The following AGBL1 variants were observed in gnomAD, a reference collection of about 807,000 sequenced individuals.
AGBL1 encodes the protein AGBL carboxypeptidase 1.
A neutral mutation model predicts 118.9 loss-of-function variants in AGBL1; 130 were observed. That is an observed-to-expected ratio of 1.09 (90% confidence interval 0.95 to 1.26). The LOEUF (loss-of-function observed/expected upper bound fraction) is 1.26, where lower values mean the gene tolerates loss of function less well. AGBL1 is among the 50% of genes most tolerant of loss of function. The probability of loss-of-function intolerance (pLI) is 0.00; values close to 1 mark genes in which losing one functional copy is unlikely to be tolerated. For synonymous variants in AGBL1, 555 were observed against 478.9 expected (o/e 1.16, Z -2.08); for missense variants, 1,584 against 1,298.1 (o/e 1.22, Z -3.38).
At chr15:86,196,868 T>TGCGCGCGC (rs149539990) in intron 5 of AGBL1, among the ~76,000 whole-genome samples, 2,418 of 95,560 alleles carry the variant, frequency 0.025, 113 homozygotes, top group African/African-American at 0.075. Flanking sequence ...TGTGCACATG[T>TGCGCGCGC]GCGCGCGCGC....
chr15:86,620,651 C>T (rs2084790158), intron 21 of AGBL1, among the ~76,000 whole-genome samples: 1 of 152,152 alleles, frequency 6.6e-6, no homozygotes, highest in Non-Finnish European at 1.5e-5. Context: ...ACCCTTTTAT[C>T]AATTTCCTAC....
In AGBL1 at chr15:86,890,839, T is replaced by C. The variant is rs984815452; in HGVS notation, c.3159-16248T>C. On this transcript the variant is annotated intron_variant, in intron 22 of 22. Coordinates refer to ENST00000614907, the MANE Select transcript of AGBL1 (RefSeq NM_001386094.1). ...AGGTAGCATAATGCCTCCACCTTTG[T>C]TCTTTTTGCTTAGGATTATCTTTGC... 2.0e-5 allele frequency among the ~76,000 whole-genome samples: 3 copies of C among 152,298 alleles called. No homozygotes were observed. The East Asian group carries it at 5.8e-4, about 29-fold the overall frequency.
rs1019168109 is a variant in AGBL1, at chr15:86,279,662, C to T, written c.2099C>T (p.Ala700Val). Reference sequence around the variant, plus strand: ...AGAAATCATTATCGCCAGAGTACAGCTGTTGCAGGCGGAGCATCTGGGAAG... The same window carrying T: ...AGAAATCATTATCGCCAGAGTACAGTTGTTGCAGGCGGAGCATCTGGGAAG... Reference protein sequence around the residue: ...YYKNHYRQSTAVAGGASGKCY... With the variant: ...YYKNHYRQSTVVAGGASGKCY... Residue 700 changes from alanine to valine, a missense_variant, in exon 16 of 23, where the codon GCT (alanine) becomes GTT (valine). Transcript: ENST00000614907. 1.2e-6 allele frequency: 2 copies of T among 1,613,384 alleles called. No homozygotes were observed. The highest frequency in any genetic ancestry group is 1.7e-6 in the Non-Finnish European group (2 of 1,179,522).
intron 17 of AGBL1, among the ~76,000 whole-genome samples, chr15:86,334,323 T>C (rs1201420935): frequency 1.3e-5 from 2 of 152,162 alleles, no homozygotes; most frequent in Non-Finnish European, 1.5e-5. Context: ...CAGTAAAGTT[T>C]CAGGATACAA....
chr15:86,177,158 TA>T (rs1319658663), intron 5 of AGBL1, among the ~76,000 whole-genome samples: 3 of 152,222 alleles, frequency 2.0e-5, no homozygotes, highest in African/African-American at 7.2e-5. Context: ...CTTTTTCTAA[TA>T]TCAAATAAAG....
At chr15:86,354,635 G>C (rs1387530073) in intron 17 of AGBL1, among the ~76,000 whole-genome samples, 1 of 152,228 alleles carries the variant, frequency 6.6e-6, no homozygotes, top group Non-Finnish European at 1.5e-5. Flanking sequence ...TTGAAGTTTA[G>C]TATATCAAGG....
chr15:86,119,629 G>C (rs1204527742), intron 1 of AGBL1, among the ~76,000 whole-genome samples: 1 of 151,598 alleles, frequency 6.6e-6, no homozygotes, highest in Non-Finnish European at 1.5e-5. Context: ...GTATAAAAAT[G>C]GAAGAGCATA....
At chr15:86,272,940 T>C (rs1052205474) in intron 15 of AGBL1, among the ~76,000 whole-genome samples, 2 of 152,136 alleles carry the variant, frequency 1.3e-5, no homozygotes, top group Non-Finnish European at 2.9e-5. Context: ...AGATTTAGAT[T>C]AAAAATCACC....
At chr15:86,364,974 T>C (rs1387169662) in intron 17 of AGBL1, among the ~76,000 whole-genome samples, 1 of 81,396 alleles carries the variant, frequency 1.2e-5, no homozygotes, top group South Asian at 3.5e-4. Flanking sequence ...TATATATATA[T>C]ATATATATAT....
At chr15:86,215,726 C>G (rs2078177285) in intron 5 of AGBL1, among the ~76,000 whole-genome samples, 1 of 152,192 alleles carries the variant, frequency 6.6e-6, no homozygotes, top group African/African-American at 2.4e-5. Flanking sequence ...TCTCAGCAAT[C>G]TCACAGCAAT....
intron 21 of AGBL1, among the ~76,000 whole-genome samples, chr15:86,644,474 A>G (rs535138400): frequency 2.6e-5 from 4 of 152,318 alleles, no homozygotes; most frequent in South Asian, 2.1e-4. Context: ...TCCTGCTTCT[A>G]TTGAGTCACT....
intron 15 of AGBL1, among the ~76,000 whole-genome samples, chr15:86,273,104 T>G (rs1282876150): frequency 1.3e-5 from 2 of 152,210 alleles, no homozygotes; most frequent in Admixed American, 1.3e-4. Flanking sequence ...TGAAAGTTAG[T>G]AACAGATTGG....
At chr15:86,296,030 A>G (rs1183980593) in intron 17 of AGBL1, 4 of 152,638 alleles carry the variant, frequency 2.6e-5, no homozygotes, top group Non-Finnish European at 5.8e-5. Context: ...ATACGCCTAG[A>G]CGTGTATACA....
intron 21 of AGBL1, among the ~76,000 whole-genome samples, chr15:86,641,139 C>A (rs922449573): frequency 1.6e-4 from 24 of 151,966 alleles, no homozygotes; most frequent in African/African-American, 5.3e-4. Context: ...ACAATTATTT[C>A]TTTGCAGTTG....
At chr15:86,709,951 T>G (rs964721882) in intron 22 of AGBL1, among the ~76,000 whole-genome samples, 2 of 152,216 alleles carry the variant, frequency 1.3e-5, no homozygotes, top group Non-Finnish European at 2.9e-5. Flanking sequence ...AACTGTACTC[T>G]TTTTATGTTT....
chr15:86,780,118 C>T (rs188572959), intron 22 of AGBL1, among the ~76,000 whole-genome samples: 6 of 152,296 alleles, frequency 3.9e-5, no homozygotes, highest in Admixed American at 3.9e-4. Context: ...TTACCTTTCA[C>T]ATTTAGGTCT....
At chr15:86,919,411 T>C (rs1411453054), downstream of AGBL1, among the ~76,000 whole-genome samples, 3 of 152,150 alleles carry the variant, frequency 2.0e-5, no homozygotes, top group Non-Finnish European at 2.9e-5. Flanking sequence ...GTTTTTTGTT[T>C]TGCTTTTTTC....
intron 21 of AGBL1, among the ~76,000 whole-genome samples, chr15:86,628,636 A>C (rs549455976): frequency 6.6e-6 from 1 of 152,126 alleles, no homozygotes; most frequent in East Asian, 1.9e-4. Context: ...CTCTACTAAA[A>C]ATACAAAAAA....
chr15:86,526,802 G>A (rs986807068), intron 19 of AGBL1, among the ~76,000 whole-genome samples: 1 of 151,836 alleles, frequency 6.6e-6, no homozygotes, highest in Middle Eastern at 3.4e-3. Context: ...GATAAGCTAC[G>A]GGTATGCAAA....
Sources: gnomAD v4.1 joint callset for allele counts (sites outside exome capture counted in the v4.1 genomes callset) on GRCh38, gnomAD v4.1.1 for gene constraint, MANE v1.5 for transcripts, NCBI Gene and HGNC (gene_info 2026-07-23, HGNC 2026-07-21) for gene names.